FREM2: variants seen among roughly 807,000 people sequenced by gnomAD.
FREM2 encodes the protein FRAS1 related extracellular matrix 2, also known as FRAS1-related extracellular matrix protein 2.
FREM2 carries 119 observed loss-of-function variants against 219.9 expected under a neutral mutation model. The ratio of observed to expected loss-of-function variants is 0.54; its 90% CI spans 0.47 to 0.63. The LOEUF (loss-of-function observed/expected upper bound fraction) is 0.63, where lower values mean the gene tolerates loss of function less well. FREM2 is among the 30% of genes least tolerant of loss of function. FREM2 has a pLI of 0.00. For missense variants in FREM2, 4,030 were observed against 3,993.6 expected (o/e 1.01, Z -0.25); for synonymous variants, 1,562 against 1,522.8 (o/e 1.03, Z -0.60).
intron 7 of FREM2, 25 bp from the exon 8 acceptor site, chr13:38,848,436 G>T: frequency 6.5e-7 from 1 of 1,539,140 alleles, no homozygotes; most frequent in South Asian, 1.1e-5. Flanking sequence ...GTCCCCAACT[G>T]AATATTTTTT....
At chr13:38,749,819 C>T (rs1237599487) in intron 2 of FREM2, among the ~76,000 whole-genome samples, 2 of 152,226 alleles carry the variant, frequency 1.3e-5, no homozygotes, top group Admixed American at 1.3e-4. Flanking sequence ...AATGTATTCA[C>T]TTTCCAAGTC....
intron 2 of FREM2, among the ~76,000 whole-genome samples, chr13:38,722,730 G>T (rs1193143499): frequency 6.8e-6 from 1 of 146,956 alleles, no homozygotes; most frequent in African/African-American, 2.6e-5. Flanking sequence ...TCAAGCAGAG[G>T]GTGTAGCTGG....
rs370555672 is a variant in FREM2 at position 38,876,279 on chromosome 13, A to G, written c.8441A>G (p.Lys2814Arg). Residue 2814 changes from lysine to arginine, a missense_variant, in exon 20 of 24, where the codon AAG becomes AGG. Around this residue, in one of 2 missense-constraint regions of FREM2, gnomAD observed 928 missense variants for 1,042.9 expected, o/e 0.89. Transcript: ENST00000280481. The stretch of plus-strand genomic sequence containing the variant: ...GACTACTCAGGGACCTATACTGTGA[A>G]GCTGGTGCCATGCACTGCCCCATCA... The part of the protein sequence containing the change: ...VRDYSGTYTV[K>R]LVPCTAPSHQ... The G allele has an allele frequency of 3.7e-6, 6 of 1,614,008 alleles. No individual in the cohort carries two copies. Among genetic ancestry groups the G allele is most frequent in the Non-Finnish European group, 5.1e-6 (6 of 1,180,002 alleles).
At chr13:38,741,584 A>G (rs1016353021) in intron 2 of FREM2, among the ~76,000 whole-genome samples, 1 of 152,194 alleles carries the variant, frequency 6.6e-6, no homozygotes, top group Non-Finnish European at 1.5e-5. Flanking sequence ...AAGGTGGTAG[A>G]GACACTTAGT....
chr13:38,735,801 GATA>G (rs1463344647), intron 2 of FREM2, among the ~76,000 whole-genome samples: 4 of 152,266 alleles, frequency 2.6e-5, no homozygotes, highest in Admixed American at 1.3e-4. Context: ...TGCAAGATTA[GATA>G]ATAATAATGA....
At position 38,880,426 on chromosome 13, in the gene FREM2, G is replaced by A. The variant is rs750937878; in HGVS notation, c.9149G>A (p.Arg3050Gln). The change falls in exon 24 of 24, where the codon CGG (arginine) becomes CAG (glutamine). Residue 3050 changes from arginine (R) to glutamine (Q), a missense_variant. This residue lies in a region of FREM2 where 928 missense variants were observed against 1,042.9 expected (regional missense o/e 0.89). Coordinates refer to ENST00000280481, the MANE Select transcript of FREM2 (RefSeq NM_207361.6). The part of the protein sequence containing the change: ...QGKPQSTTKS[R>Q]KKREIRSTPS... Reference sequence around the variant, plus strand: ...AAGCCCCAATCCACCACCAAGAGCCGGAAGAAGAGAGAGATCAGGAGCACA... The same window carrying A: ...AAGCCCCAATCCACCACCAAGAGCCAGAAGAAGAGAGAGATCAGGAGCACA... 6.8e-5 allele frequency: 110 copies of A among 1,613,994 alleles called. No individual in the cohort carries two copies. The highest frequency in any genetic ancestry group is 1.6e-4 in the Middle Eastern group (1 of 6,062).
At chr13:38,858,751 G>C (rs1339032675) in intron 13 of FREM2, among the ~76,000 whole-genome samples, 2 of 152,064 alleles carry the variant, frequency 1.3e-5, no homozygotes, top group Non-Finnish European at 2.9e-5. Context: ...TAAGAAATTT[G>C]GACTTCATTT....
intron 2 of FREM2, among the ~76,000 whole-genome samples, chr13:38,704,149 G>C (rs1430627923): frequency 6.6e-6 from 1 of 152,214 alleles, no homozygotes; most frequent in South Asian, 2.1e-4. Flanking sequence ...GAGTTTCTAT[G>C]GTGAATCTTA....
intron 2 of FREM2, among the ~76,000 whole-genome samples, chr13:38,712,648 TCTCA>T (rs1461464051): frequency 9.4e-4 from 27 of 28,726 alleles, no homozygotes; most frequent in South Asian, 5.5e-3. Context: ...TCTTTCTCTC[TCTCA>T]CACACACACA....
At chr13:38,860,479 A>T (rs146270460) in intron 14 of FREM2, among the ~76,000 whole-genome samples, 3 of 152,376 alleles carry the variant, frequency 2.0e-5, no homozygotes, top group African/African-American at 7.2e-5. Context: ...ATTCAAAAGT[A>T]AATTTACTGC....
chr13:38,771,216 A>G (rs1873648880), intron 4 of FREM2, among the ~76,000 whole-genome samples: 1 of 152,234 alleles, frequency 6.6e-6, no homozygotes, highest in South Asian at 2.1e-4. Context: ...ATTAAAGAAT[A>G]GTTAGCATTT....
chr13:38,710,826 A>C (rs931087390), intron 2 of FREM2, among the ~76,000 whole-genome samples: 1 of 152,256 alleles, frequency 6.6e-6, no homozygotes, highest in African/African-American at 2.4e-5. Flanking sequence ...TACCAGTTAA[A>C]AATAGTGTAA....
intron 2 of FREM2, among the ~76,000 whole-genome samples, chr13:38,738,089 C>T (rs1167837349): frequency 6.6e-6 from 1 of 152,110 alleles, no homozygotes; most frequent in Non-Finnish European, 1.5e-5. Flanking sequence ...GACTGAATCA[C>T]AGAAGCAGGT....
At chr13:38,751,974 T>A (rs1364045208) in intron 2 of FREM2, among the ~76,000 whole-genome samples, 1 of 152,154 alleles carries the variant, frequency 6.6e-6, no homozygotes, top group Admixed American at 6.6e-5. Context: ...TGAGAAGGGC[T>A]GCTTTTGTGG....
intron 6 of FREM2, among the ~76,000 whole-genome samples, chr13:38,800,280 A>G (rs1874960091): frequency 6.6e-6 from 1 of 152,142 alleles, no homozygotes; most frequent in Admixed American, 6.5e-5. Context: ...TTTCTTATCT[A>G]GGAAATACTT....
intron 20 of FREM2, 64 bp downstream of exon 20, chr13:38,876,446 T>TTAAAAAAAA: frequency 3.6e-6 from 4 of 1,111,532 alleles, no homozygotes; most frequent in Non-Finnish European, 5.3e-6. Flanking sequence ...CATTTATTAG[T>TTAAAAAAAA]AAAAAAAAAA....
At chr13:38,724,903 GA>G (rs1483296253) in intron 2 of FREM2, among the ~76,000 whole-genome samples, 2 of 152,166 alleles carry the variant, frequency 1.3e-5, no homozygotes, top group African/African-American at 4.8e-5. Flanking sequence ...GTCCATCCAG[GA>G]ACCAGGAAGT....
chr13:38,748,323 G>C (rs1198805769), intron 2 of FREM2, among the ~76,000 whole-genome samples: 1 of 152,194 alleles, frequency 6.6e-6, no homozygotes, highest in Non-Finnish European at 1.5e-5. Context: ...ACATGAACCA[G>C]AATTTGTATT....
At position 38,846,690 on chromosome 13, in the gene FREM2, G is replaced by C; in HGVS notation, c.6137G>C (p.Arg2046Thr). Residue 2046 changes from arginine to threonine, a missense_variant, in exon 7 of 24, where the codon AGG (arginine) becomes ACG (threonine). Coordinates refer to ENST00000280481, the MANE Select transcript of FREM2 (RefSeq NM_207361.6). ...TCCAAGTCTTCTAGTGTCACAGTGA[G>C]GTCTCGGAAAACAGATCCTCCCTCT... The part of the protein sequence containing the change: ...DLSKSSSVTV[R>T]SRKTDPPSAD... The C allele has an allele frequency of 6.2e-7, 1 of 1,613,772 alleles. No homozygotes were observed. Among genetic ancestry groups the C allele is most frequent in the Non-Finnish European group, 8.5e-7 (1 of 1,179,798 alleles).
Sources: allele counts gnomAD v4.1 joint callset (sites outside exome capture counted in the v4.1 genomes callset), GRCh38; gene constraint gnomAD v4.1.1; regional missense constraint gnomAD v4.1.1; transcripts MANE v1.5; gene names NCBI Gene and HGNC (gene_info 2026-07-23, HGNC 2026-07-21).